PPP2R5C: variants seen among roughly 807,000 people sequenced by gnomAD.
PPP2R5C encodes protein phosphatase 2 regulatory subunit B'gamma.
Under a neutral mutation model 68.9 loss-of-function variants are expected in PPP2R5C, and 7 were observed. That is an observed-to-expected ratio of 0.10 (90% CI 0.06 to 0.19). The LOEUF (loss-of-function observed/expected upper bound fraction) is 0.19, where lower values mean the gene tolerates loss of function less well. Ranked by LOEUF, PPP2R5C falls within the 10% of genes least tolerant of loss-of-function variation. The pLI is 1.00. For synonymous variants in PPP2R5C, 210 were observed against 222.2 expected, an observed-to-expected ratio of 0.95 and a Z score of 0.49; for missense variants, 348 against 641.3, an observed-to-expected ratio of 0.54 and a Z score of 4.94.
At chr14:101,875,164 A>G (rs1033849969) in intron 2 of PPP2R5C, among the ~76,000 whole-genome samples, 1 of 152,226 alleles carries the variant, frequency 6.6e-6, no homozygotes, top group African/African-American at 2.4e-5. Context: ...CTGTCACATC[A>G]TGGCATCTAT....
Position 101,913,748 on chromosome 14 carries a change from C to T in PPP2R5C, c.1326+1275C>T, listed in dbSNP as rs138982891. On this transcript the variant is annotated intron_variant, in intron 12 of 13. Coordinates refer to ENST00000334743, the Ensembl canonical transcript of PPP2R5C. This position sits in a 1 kb window ranked among gnomAD's most constrained non-coding sequence, Gnocchi z 4.1. Reference sequence around the variant, plus strand: ...TAAGGCCCAGCCCTGCCTGACGCTGCCCTGCGTGTCTTGCTTTGTTCTGAA... The same window carrying T: ...TAAGGCCCAGCCCTGCCTGACGCTGTCCTGCGTGTCTTGCTTTGTTCTGAA... 6.6e-6 allele frequency among the ~76,000 whole-genome samples: 1 copy of T among 152,318 alleles called. No homozygotes were observed. The highest frequency in any genetic ancestry group is 1.9e-4 in the East Asian group (1 of 5,188).
intron 2 of PPP2R5C, among the ~76,000 whole-genome samples, chr14:101,768,258 A>G (rs574729582): frequency 1.3e-5 from 2 of 152,314 alleles, no homozygotes; most frequent in South Asian, 4.1e-4. Context: ...ACATTTGCTT[A>G]CAAACCATGC....
At chr14:101,886,790 G>A (rs547894733) in intron 5 of PPP2R5C, among the ~76,000 whole-genome samples, 260 of 152,218 alleles carry the variant, frequency 1.7e-3, no homozygotes, top group Non-Finnish European at 3.1e-3. Context: ...CAGTGATGCT[G>A]TACTCCATAG....
In PPP2R5C at chr14:101,917,232, C is replaced by T. The variant is rs1055341521; in HGVS notation, c.1327-599C>T. 6.6e-6 allele frequency among the ~76,000 whole-genome samples: 1 copy of T among 152,066 alleles called. No homozygotes were observed. Among genetic ancestry groups the T allele is most frequent in the African/African-American group, 2.4e-5 (1 of 41,380 alleles). On this transcript the variant is annotated intron_variant, in intron 12 of 13. Coordinates refer to ENST00000334743, the Ensembl canonical transcript of PPP2R5C. The surrounding 1 kb of genome is among the most constrained non-coding windows in gnomAD (Gnocchi z 4.4). ...AGGGAGAGTGGAGAAGTCCCAGGGC[C>T]GCCCGTAGGGAATGGAGAGGGAGCG...
intron 8 of PPP2R5C, among the ~76,000 whole-genome samples, chr14:101,896,081 G>A (rs146631850): frequency 0.01 from 1,567 of 152,152 alleles, 28 homozygotes; most frequent in African/African-American, 0.035. Flanking sequence ...GTGCAATGGT[G>A]CAATCTTGGC....
chr14:101,843,235 C>G (rs2041610800), intron 1 of PPP2R5C, among the ~76,000 whole-genome samples: 1 of 152,122 alleles, frequency 6.6e-6, no homozygotes, highest in Admixed American at 6.6e-5. Flanking sequence ...CTAAAACAAA[C>G]TGGCATTTGG....
intron 1 of PPP2R5C, among the ~76,000 whole-genome samples, chr14:101,813,127 G>A (rs889168538): frequency 2.0e-5 from 3 of 152,206 alleles, no homozygotes; most frequent in African/African-American, 7.2e-5. Flanking sequence ...GCAGCCCCTG[G>A]TCACCTGCGA....
At chr14:101,776,916 T>C (rs1447885896) in intron 2 of PPP2R5C, among the ~76,000 whole-genome samples, 1 of 150,696 alleles carries the variant, frequency 6.6e-6, no homozygotes, top group Non-Finnish European at 1.5e-5. Flanking sequence ...AGTCTTGCTC[T>C]GTCGCCCAGG....
intron 10 of PPP2R5C, among the ~76,000 whole-genome samples, chr14:101,908,784 C>T (rs563458291): frequency 1.3e-5 from 2 of 152,144 alleles, no homozygotes; most frequent in African/African-American, 2.4e-5. Context: ...CAATTCATAA[C>T]TGACTTCCAA....
intron 2 of PPP2R5C, among the ~76,000 whole-genome samples, chr14:101,779,334 G>A (rs2037565157): frequency 6.6e-6 from 1 of 152,184 alleles, no homozygotes; most frequent in Non-Finnish European, 1.5e-5. Context: ...GGGATTCCAA[G>A]CCTGATGGAA....
chr14:101,765,553 A>C (rs1386849169), intron 2 of PPP2R5C: 9 of 254,574 alleles, frequency 3.5e-5, no homozygotes, highest in East Asian at 7.9e-5. Flanking sequence ...TGACATTCCC[A>C]TGCTGCTTTC....
At chr14:101,812,905 T>C (rs1357040012) in intron 1 of PPP2R5C, among the ~76,000 whole-genome samples, 1 of 152,240 alleles carries the variant, frequency 6.6e-6, no homozygotes, top group Non-Finnish European at 1.5e-5. Context: ...GTCTGGACTT[T>C]GCGATTAAAA....
At chr14:101,924,932 T>C (rs542327799) in intron 13 of PPP2R5C, among the ~76,000 whole-genome samples, 28 of 152,280 alleles carry the variant, frequency 1.8e-4, no homozygotes, top group African/African-American at 5.8e-4. Context: ...AACACACAGG[T>C]CCTCAAACGA....
At chr14:101,890,138 C>A (rs1904298) in intron 5 of PPP2R5C, 99 bp from the exon 8 acceptor site, 161 of 1,080,318 alleles carry the variant, frequency 1.5e-4, no homozygotes, top group Non-Finnish European at 2.1e-4. Context: ...CAAATAGATG[C>A]GCTTCTTGTT....
chr14:101,764,026 T>C (rs535671382), intron 2 of PPP2R5C, among the ~76,000 whole-genome samples: 83 of 145,152 alleles, frequency 5.7e-4, no homozygotes, highest in African/African-American at 1.9e-3. Context: ...TGTGTGTGTG[T>C]GTGGGCGCGC....
At chr14:101,785,014 A>G (rs549445000) in intron 2 of PPP2R5C, among the ~76,000 whole-genome samples, 1 of 152,082 alleles carries the variant, frequency 6.6e-6, no homozygotes, top group East Asian at 1.9e-4. Flanking sequence ...ACTCTTCTCC[A>G]CCTCTGCTGA....
exon 2 of PPP2R5C, chr14:101,762,960 T>C: frequency 6.3e-7 from 1 of 1,576,032 alleles, no homozygotes; most frequent in Non-Finnish European, 8.6e-7. Flanking sequence ...CAAGACACAG[T>C]AGAATCAGAG....
intron 2 of PPP2R5C, among the ~76,000 whole-genome samples, chr14:101,863,699 C>T (rs919642369): frequency 6.6e-6 from 1 of 152,096 alleles, no homozygotes; most frequent in Non-Finnish European, 1.5e-5. Context: ...GAGTTCTAAA[C>T]CAGCCTGGCC....
chr14:101,823,720 A>C, intron 1 of PPP2R5C: 1 of 1,025,366 alleles, frequency 9.8e-7, no homozygotes, highest in Non-Finnish European at 1.2e-6. Flanking sequence ...CAGATACCGG[A>C]CCAGCACTTG....
Sources: gnomAD v4.1 joint callset for allele counts (sites outside exome capture counted in the v4.1 genomes callset) on GRCh38, gnomAD v4.1.1 for gene constraint, Gnocchi (gnomAD v3.1) non-coding constraint, MANE v1.5 for transcripts, NCBI Gene and HGNC (gene_info 2026-07-23, HGNC 2026-07-21) for gene names.